Variants in UCK2 observed in about 807,000 individuals in gnomAD.
The protein encoded by UCK2 is cytidine monophosphokinase 2.
UCK2 carries 6 observed loss-of-function variants against 30.8 expected under a neutral mutation model. The observed-to-expected ratio is 0.19, with a 90% CI of 0.11 to 0.38. UCK2 has a LOEUF of 0.38. UCK2 is among the 10% of genes least tolerant of loss of function. The pLI, the probability that UCK2 is intolerant of heterozygous loss-of-function variation, is 1.00. For synonymous variants in UCK2, 125 were observed against 133.6 expected (o/e 0.94, Z 0.45); for missense variants, 210 against 339.8 (o/e 0.62, Z 3.00).
intron 1 of UCK2, among the ~76,000 whole-genome samples, chr1:165,835,419 A>G (rs1351795167): frequency 6.7e-6 from 1 of 148,528 alleles, no homozygotes; most frequent in Non-Finnish European, 1.5e-5. Flanking sequence ...CCAGGCTGGC[A>G]TGAACTCCTG....
chr1:165,872,390 A>G (rs1655219880), intron 1 of UCK2, among the ~76,000 whole-genome samples: 1 of 152,178 alleles, frequency 6.6e-6, no homozygotes. Flanking sequence ...TTAGGCATAT[A>G]AAAGATGTTT....
At chr1:165,856,500 A>G (rs1194681639) in intron 1 of UCK2, among the ~76,000 whole-genome samples, 5 of 150,486 alleles carry the variant, frequency 3.3e-5, no homozygotes, top group Non-Finnish European at 4.4e-5. Context: ...TTTAAAACAA[A>G]AATCTTCCTC....
At chr1:165,855,339 T>A (rs543351910) in intron 1 of UCK2, among the ~76,000 whole-genome samples, 1 of 152,278 alleles carries the variant, frequency 6.6e-6, no homozygotes, top group East Asian at 1.9e-4. Context: ...GCAGCAAAGA[T>A]GTCCCCAAAT....
At chr1:165,887,653 T>C (rs968599269) in intron 1 of UCK2, among the ~76,000 whole-genome samples, 1 of 152,180 alleles carries the variant, frequency 6.6e-6, no homozygotes, top group Admixed American at 6.5e-5. Flanking sequence ...AGACTTTATC[T>C]TCCTACAACC....
intron 1 of UCK2, among the ~76,000 whole-genome samples, chr1:165,835,293 C>T (rs994396121): frequency 6.8e-6 from 1 of 146,710 alleles, no homozygotes; most frequent in African/African-American, 2.7e-5. Context: ...GAGAATTCTT[C>T]ATCCCATTTT....
At chr1:165,905,622 A>G (rs376283686) in intron 5 of UCK2, among the ~76,000 whole-genome samples, 1 of 152,166 alleles carries the variant, frequency 6.6e-6, no homozygotes, top group Non-Finnish European at 1.5e-5. Context: ...AGTCTGGACC[A>G]TTTTCCCTCA....
At chr1:165,848,209 T>G (rs1043620952) in intron 1 of UCK2, among the ~76,000 whole-genome samples, 11 of 152,252 alleles carry the variant, frequency 7.2e-5, no homozygotes, top group Non-Finnish European at 1.5e-5. Flanking sequence ...GTTGTGTGGT[T>G]GCAGTTTATT....
rs376505646 is a variant in UCK2, at chr1:165,827,946, C to T, written c.99+14C>T. The T allele has an allele frequency of 2.2e-6, 3 of 1,340,024 alleles. No homozygotes were observed. The highest frequency in any genetic ancestry group is 3.3e-5 in the Admixed American group (1 of 29,922). 83.0% of individuals were successfully genotyped at this position (1,340,024 alleles called of 1,614,324 possible). ...GCTAGCGGCAAGGTACGGCGGGGCC[C>T]GGAGCCGCGCTCCCTTCCCGGCTTC... On this transcript the variant is annotated intron_variant, in intron 1 of 6. Transcript: ENST00000367879.
At position 165,889,405 on chromosome 1, in the gene UCK2, G is replaced by GC. The variant is rs1432999450; in HGVS notation, c.100-795dup. On this transcript the variant is annotated intron_variant, in intron 1 of 6. Transcript: ENST00000367879. The stretch of plus-strand genomic sequence containing the variant: ...CACCTTGTGATTCCAAGGCCCTGTA[G>GC]CCCCTCAGCACATCATCACCATGCC... Among the ~76,000 whole-genome samples the GC allele has an allele frequency of 1.2e-4, 19 of 152,336 alleles. 1 individual carries two copies. The South Asian group carries it at 3.9e-3, about 32-fold the overall frequency.
intron 1 of UCK2, among the ~76,000 whole-genome samples, chr1:165,866,037 G>A (rs1039456151): frequency 2.0e-5 from 3 of 152,114 alleles, no homozygotes; most frequent in African/African-American, 7.2e-5. Flanking sequence ...ACGGGGAATA[G>A]GGAGAGGAAG....
At chr1:165,907,201 A>G (rs965068754) in intron 6 of UCK2, among the ~76,000 whole-genome samples, 3 of 152,336 alleles carry the variant, frequency 2.0e-5, no homozygotes, top group South Asian at 2.1e-4. Context: ...GTTGAGGTAT[A>G]TAATTTATTT....
chr1:165,874,658 G>C (rs1010674939), intron 1 of UCK2, among the ~76,000 whole-genome samples: 7 of 152,048 alleles, frequency 4.6e-5, no homozygotes, highest in African/African-American at 1.7e-4. Flanking sequence ...ATATGCTTCA[G>C]TTATGGCTAT....
At chr1:165,852,372 A>G (rs910306612) in intron 1 of UCK2, among the ~76,000 whole-genome samples, 2 of 152,226 alleles carry the variant, frequency 1.3e-5, no homozygotes, top group East Asian at 3.8e-4. Flanking sequence ...ACAAATTTAC[A>G]AGAAGAAAGC....
At chr1:165,830,352 T>C (rs1300905205) in intron 1 of UCK2, among the ~76,000 whole-genome samples, 5 of 144,478 alleles carry the variant, frequency 3.5e-5, no homozygotes, top group Non-Finnish European at 7.5e-5. Context: ...TGAGACAGAG[T>C]CTTGCTCTGT....
intron 1 of UCK2, among the ~76,000 whole-genome samples, chr1:165,839,983 C>T (rs747545687): frequency 1.2e-4 from 18 of 152,098 alleles, no homozygotes; most frequent in Non-Finnish European, 1.5e-4. Flanking sequence ...TGGAGTGTGG[C>T]GCGATCTCGG....
At chr1:165,869,036 A>G (rs566600891) in intron 1 of UCK2, among the ~76,000 whole-genome samples, 3 of 152,340 alleles carry the variant, frequency 2.0e-5, no homozygotes, top group African/African-American at 4.8e-5. Flanking sequence ...GCAGGAAATC[A>G]TAGGGAGGCC....
At chr1:165,875,346 G>A (rs943837774) in intron 1 of UCK2, among the ~76,000 whole-genome samples, 3 of 152,164 alleles carry the variant, frequency 2.0e-5, no homozygotes, top group African/African-American at 7.2e-5. Context: ...GGACTATGTA[G>A]GGAAACTCTC....
chr1:165,906,186 G>T (rs1647654428), intron 6 of UCK2, among the ~76,000 whole-genome samples: 1 of 152,118 alleles, frequency 6.6e-6, no homozygotes, highest in African/African-American at 2.4e-5. Context: ...ACATGCACTT[G>T]TGCTTCTCTG....
chr1:165,838,600 G>A (rs1227158019), intron 1 of UCK2, among the ~76,000 whole-genome samples: 1 of 152,094 alleles, frequency 6.6e-6, no homozygotes, highest in African/African-American at 2.4e-5. Context: ...ACCTGTTGCT[G>A]GGGGATGTGG....
Sources: gnomAD v4.1 joint callset for allele counts (sites outside exome capture counted in the v4.1 genomes callset) on GRCh38, gnomAD v4.1.1 for gene constraint, MANE v1.5 for transcripts, NCBI Gene and HGNC (gene_info 2026-07-23, HGNC 2026-07-21) for gene names.